The following SULT1B1 variants were observed in gnomAD, a reference collection of about 807,000 sequenced individuals.
SULT1B1 encodes sulfotransferase family 1B member 1, also known as sulfotransferase 1B1.
In SULT1B1, 28 loss-of-function variants were observed where a neutral mutation model predicts 34.6. The ratio of observed to expected loss-of-function variants is 0.81; its 90% confidence interval spans 0.60 to 1.11. SULT1B1 has a LOEUF of 1.11. SULT1B1 is among the 50% of genes least tolerant of loss of function. SULT1B1 has a pLI of 0.00. For synonymous variants in SULT1B1, 147 were observed against 110.2 expected (o/e 1.33, Z -2.09); for missense variants, 374 against 352.2 (o/e 1.06, Z -0.50).
chr4:69,730,035 G>A (rs1376836426), intron 7 of SULT1B1, among the ~76,000 whole-genome samples: 6 of 152,004 alleles, frequency 3.9e-5, no homozygotes, highest in Non-Finnish European at 8.8e-5. Context: ...TTCTTATAAG[G>A]TCAAATAGCA....
In SULT1B1 at chr4:69,733,393, A is replaced by T. The variant is rs778258756; in HGVS notation, c.597+20T>A. 1 of 1,539,306 alleles carries T rather than the reference A, an allele frequency of 6.5e-7. No homozygotes were observed. The highest frequency in any genetic ancestry group is 1.8e-5 in the Admixed American group (1 of 54,062). ...TGATGCAGTGGGGAAATTATCCAGA[A>T]TCCATATCTACCATTTTACCTCTTT... On this transcript the variant is annotated intron_variant, in intron 6 of 7. Transcript: ENST00000310613.
intron 7 of SULT1B1, 48 bp downstream of exon 7, chr4:69,730,453 A>G (rs1718028312): frequency 1.3e-6 from 2 of 1,524,014 alleles, no homozygotes; most frequent in Non-Finnish European, 1.8e-6. Flanking sequence ...GCTCATGATA[A>G]TTCATAAGAA....
At chr4:69,742,887 C>T (rs966462045) in intron 4 of SULT1B1, among the ~76,000 whole-genome samples, 6 of 152,214 alleles carry the variant, frequency 3.9e-5, no homozygotes. Flanking sequence ...AGCCTCATGG[C>T]CTCAGCTCTC....
At chr4:69,754,207 A>G (rs192299097) in intron 3 of SULT1B1, among the ~76,000 whole-genome samples, 47 of 152,328 alleles carry the variant, frequency 3.1e-4, no homozygotes, top group African/African-American at 1.1e-3. Context: ...CTGTGATACA[A>G]TATACAATTT....
At chr4:69,749,319 C>G (rs909998819) in intron 4 of SULT1B1, among the ~76,000 whole-genome samples, 1 of 152,060 alleles carries the variant, frequency 6.6e-6, no homozygotes, top group African/African-American at 2.4e-5. Context: ...AGCACTGTAG[C>G]TATTAAATAA....
intron 4 of SULT1B1, among the ~76,000 whole-genome samples, chr4:69,739,668 A>G (rs1248787279): frequency 1.3e-5 from 2 of 152,212 alleles, no homozygotes; most frequent in African/African-American, 2.4e-5. Context: ...GGTGATTAGC[A>G]TTTGGCTTCT....
At chr4:69,732,735 G>C (rs1019441748) in intron 6 of SULT1B1, among the ~76,000 whole-genome samples, 9 of 150,286 alleles carry the variant, frequency 6.0e-5, no homozygotes, top group Non-Finnish European at 1.3e-4. Context: ...CTTCATACTA[G>C]ATAGATGATT....
chr4:69,732,890 G>T (rs1297571254), intron 6 of SULT1B1, among the ~76,000 whole-genome samples: 1 of 151,880 alleles, frequency 6.6e-6, no homozygotes, highest in Non-Finnish European at 1.5e-5. Flanking sequence ...TGTTGAAAGA[G>T]AACAAAATAG....
chr4:69,737,371 A>T (rs1718359777), intron 4 of SULT1B1, among the ~76,000 whole-genome samples: 1 of 152,218 alleles, frequency 6.6e-6, no homozygotes, highest in Non-Finnish European at 1.5e-5. Flanking sequence ...ACAGAAAGAA[A>T]ATGACAGTAG....
chr4:69,737,953 C>T (rs1012425127), intron 4 of SULT1B1, among the ~76,000 whole-genome samples: 5 of 152,020 alleles, frequency 3.3e-5, no homozygotes, highest in Admixed American at 1.3e-4. Context: ...CAAATGATTT[C>T]GTCACCCAGG....
At position 69,749,823 on chromosome 4, in the gene SULT1B1, G is replaced by T; in HGVS notation, c.278-5C>A. ...TCTTCTCCAATTGTTCTATACCTGA[G>T]AAATTTAGTTAAGTATAGGGAAATA... On this transcript the variant is annotated splice_region_variant and splice_polypyrimidine_tract_variant and intron_variant, in intron 3 of 7. Coordinates refer to ENST00000310613, the MANE Select transcript of SULT1B1 (RefSeq NM_014465.4). 1 of 1,606,978 alleles carries T rather than the reference G, an allele frequency of 6.2e-7. No homozygotes were observed. The highest frequency in any genetic ancestry group is 8.5e-7 in the Non-Finnish European group (1 of 1,173,776).
At chr4:69,727,286 C>CTTTCTTTAGGCCTT in intron 7 of SULT1B1, 86 bp from the exon 8 acceptor site, 2 of 930,512 alleles carry the variant, frequency 2.1e-6, no homozygotes, top group Non-Finnish European at 3.0e-6. Context: ...GATTAGAAGG[C>CTTTCTTTAGGCCTT]CTAAAGAAAG....
At chr4:69,744,013 T>C (rs1237749563) in intron 4 of SULT1B1, among the ~76,000 whole-genome samples, 1 of 151,914 alleles carries the variant, frequency 6.6e-6, no homozygotes, top group East Asian at 1.9e-4. Flanking sequence ...CCATAGCCAT[T>C]ACTTGCGCTG....
intron 4 of SULT1B1, among the ~76,000 whole-genome samples, chr4:69,734,694 A>G (rs1180101701): frequency 6.6e-6 from 1 of 152,212 alleles, no homozygotes; most frequent in East Asian, 1.9e-4. Context: ...AAATACCGAG[A>G]AAAATATTAG....
At chr4:69,752,355 G>A (rs544656679) in intron 3 of SULT1B1, among the ~76,000 whole-genome samples, 1 of 152,250 alleles carries the variant, frequency 6.6e-6, no homozygotes, top group East Asian at 1.9e-4. Context: ...AAGATTTGCT[G>A]TATTTATGAG....
intron 3 of SULT1B1, among the ~76,000 whole-genome samples, chr4:69,753,400 C>CA (rs1175992072): frequency 3.3e-5 from 5 of 152,072 alleles, no homozygotes; most frequent in African/African-American, 1.2e-4. Flanking sequence ...AAAACAACAA[C>CA]AAAAAACAAA....
chr4:69,758,308 A>C, intron 1 of SULT1B1: 2 of 985,404 alleles, frequency 2.0e-6, no homozygotes, highest in Non-Finnish European at 2.4e-6. Context: ...TCTCACCCAG[A>C]ATCTTTTGAT....
intron 3 of SULT1B1, among the ~76,000 whole-genome samples, chr4:69,751,739 A>T (rs1432219432): frequency 1.3e-5 from 2 of 152,214 alleles, no homozygotes; most frequent in African/African-American, 2.4e-5. Flanking sequence ...GGCGTGAGCC[A>T]CCGCGCCCGG....
chr4:69,741,051 G>A (rs1464798169), intron 4 of SULT1B1, among the ~76,000 whole-genome samples: 6 of 152,160 alleles, frequency 3.9e-5, no homozygotes, highest in Middle Eastern at 6.8e-3. Flanking sequence ...TCAATCTTCA[G>A]TTAATTTTTT....
Sources: allele counts gnomAD v4.1 joint callset (sites outside exome capture counted in the v4.1 genomes callset), GRCh38; gene constraint gnomAD v4.1.1; transcripts MANE v1.5; gene names NCBI Gene and HGNC (gene_info 2026-07-23, HGNC 2026-07-21).